Variants in ZRANB3 observed in about 807,000 individuals in gnomAD.
ZRANB3 encodes DNA annealing helicase and endonuclease ZRANB3.
In ZRANB3, 125 loss-of-function variants were observed where a neutral mutation model predicts 133.8. The observed-to-expected ratio is 0.93, with a 90% confidence interval of 0.81 to 1.08. The LOEUF (loss-of-function observed/expected upper bound fraction) is 1.08. Ranked by LOEUF, ZRANB3 falls within the 50% of genes least tolerant of loss-of-function variation. The pLI, the probability that ZRANB3 is intolerant of heterozygous loss-of-function variation, is 0.00. For synonymous variants in ZRANB3, 387 were observed against 432.7 expected, an observed-to-expected ratio of 0.89 and a Z score of 1.31; for missense variants, 1,229 against 1,275.5, an observed-to-expected ratio of 0.96 and a Z score of 0.56.
chr2:135,444,468 G>C (rs7569712), intron 2 of ZRANB3, among the ~76,000 whole-genome samples: 4,849 of 152,156 alleles, frequency 0.032, 249 homozygotes, highest in African/African-American at 0.11. Flanking sequence ...ATACAACAAG[G>C]ATGAACCTGG....
intron 3 of ZRANB3, among the ~76,000 whole-genome samples, chr2:135,362,373 G>T (rs57418973): frequency 0.056 from 8,467 of 152,160 alleles, 468 homozygotes; most frequent in African/African-American, 0.14. Flanking sequence ...CTTTCCTGAT[G>T]GTTGGTTGGT....
At chr2:135,478,825 CAT>C (rs1434982195) in intron 2 of ZRANB3, among the ~76,000 whole-genome samples, 3 of 151,682 alleles carry the variant, frequency 2.0e-5, no homozygotes, top group East Asian at 1.9e-4. Flanking sequence ...TATATATAAA[CAT>C]ATATGTGTTA....
At chr2:135,397,672 T>C (rs73956706) in intron 2 of ZRANB3, among the ~76,000 whole-genome samples, 6,747 of 152,222 alleles carry the variant, frequency 0.044, 504 homozygotes, top group African/African-American at 0.16. Flanking sequence ...GCAGGAGGGC[T>C]ACTAAAAGTA....
rs200526449 is a variant in ZRANB3, at chr2:135,260,810, GTA to G, written c.1539+4722_1539+4723del. Among the ~76,000 whole-genome samples, 311 of 141,590 alleles carry G rather than the reference GTA, an allele frequency of 2.2e-3. 2 individuals carry two copies. The highest frequency in any genetic ancestry group is 7.0e-3 in the African/African-American group (272 of 38,696). 92.9% of individuals were successfully genotyped at this position (141,590 alleles called of 152,430 possible). A position where few individuals can be genotyped will look rare whatever the true frequency, so the allele number is the denominator to read the frequency against. On this transcript the variant is annotated intron_variant, in intron 12 of 20. Transcript: ENST00000264159. ...TATACTATATATATTCAAGTTTATA[GTA>G]TATATATACTATATATTCTATATAT...
intron 2 of ZRANB3, among the ~76,000 whole-genome samples, chr2:135,478,989 C>T (rs1691634927): frequency 6.6e-6 from 1 of 151,368 alleles, no homozygotes; most frequent in Admixed American, 6.6e-5. Context: ...GGATTACTAG[C>T]TCTCAGAACA....
At chr2:135,235,220 T>A (rs1329193948) in intron 12 of ZRANB3, among the ~76,000 whole-genome samples, 1 of 152,058 alleles carries the variant, frequency 6.6e-6, no homozygotes, top group African/African-American at 2.4e-5. Context: ...ACATACACCC[T>A]CCCAAGACTG....
At chr2:135,215,923 T>G (rs1291716654) in intron 17 of ZRANB3, among the ~76,000 whole-genome samples, 1 of 152,082 alleles carries the variant, frequency 6.6e-6, no homozygotes, top group Non-Finnish European at 1.5e-5. Flanking sequence ...TTGAGACAAT[T>G]TAAAATGTCT....
rs555801343 is a variant in ZRANB3 at position 135,293,941 on chromosome 2, G to A, written c.967-18186C>T. ...TGAACCAGCCTTGCTTCCCAGGGAT[G>A]AAGCCCACTTGATCATGGTGGATAA... On this transcript the variant is annotated intron_variant, in intron 8 of 20. Coordinates refer to ENST00000264159, the MANE Select transcript of ZRANB3 (RefSeq NM_032143.4). Among the ~76,000 whole-genome samples the A allele has an allele frequency of 7.2e-5, 11 of 151,870 alleles. No homozygotes were observed. The South Asian group carries it at 2.3e-3, about 32-fold the overall frequency.
chr2:135,258,548 T>C (rs933732889), intron 12 of ZRANB3, among the ~76,000 whole-genome samples: 2 of 152,210 alleles, frequency 1.3e-5, no homozygotes, highest in Non-Finnish European at 2.9e-5. Flanking sequence ...CACCCTACAA[T>C]GTATCCGCAT....
intron 8 of ZRANB3, among the ~76,000 whole-genome samples, chr2:135,300,437 C>T (rs1028872733): frequency 6.6e-6 from 1 of 152,066 alleles, no homozygotes; most frequent in Non-Finnish European, 1.5e-5. Context: ...TCAAATGATT[C>T]ATTGAAAACA....
chr2:135,346,115 G>A (rs964789363), intron 5 of ZRANB3, among the ~76,000 whole-genome samples: 10 of 151,960 alleles, frequency 6.6e-5, no homozygotes, highest in African/African-American at 2.2e-4. Context: ...TTTTGTTTTT[G>A]AGACGGAGTC....
At chr2:135,242,178 CAA>C (rs879394823) in intron 12 of ZRANB3, among the ~76,000 whole-genome samples, 6 of 130,864 alleles carry the variant, frequency 4.6e-5, no homozygotes, top group South Asian at 2.4e-4. Context: ...ACTCTGTCTC[CAA>C]AAAAAAAAAG....
chr2:135,397,558 A>T (rs1377734649), intron 2 of ZRANB3, among the ~76,000 whole-genome samples: 1 of 152,176 alleles, frequency 6.6e-6, no homozygotes. Context: ...TAAAGATGGC[A>T]TTTGAACATG....
rs1473394379 is a variant in ZRANB3 at position 135,430,166 on chromosome 2, ACT to A, written c.162-39348_162-39347del. Among the ~76,000 whole-genome samples, 3 of 151,862 alleles carry A rather than the reference ACT, an allele frequency of 2.0e-5. No homozygotes were observed. In the East Asian group the frequency reaches 5.8e-4, roughly 29 times the overall value. ...GTTCCAGCATGCGTGACAGAGCAAG[ACT>A]CTGTCTCAAAAAAAAACAAAAACAA... On this transcript the variant is annotated intron_variant, in intron 2 of 20. Coordinates refer to ENST00000264159, the MANE Select transcript of ZRANB3 (RefSeq NM_032143.4).
chr2:135,436,570 C>A (rs996057243), intron 2 of ZRANB3, among the ~76,000 whole-genome samples: 1 of 152,062 alleles, frequency 6.6e-6, no homozygotes, highest in Non-Finnish European at 1.5e-5. Context: ...GGTGAAAGAT[C>A]TCTACAATGA....
At chr2:135,362,769 G>T (rs900869663) in intron 3 of ZRANB3, among the ~76,000 whole-genome samples, 1 of 152,096 alleles carries the variant, frequency 6.6e-6, no homozygotes, top group Non-Finnish European at 1.5e-5. Flanking sequence ...GATTACAGGT[G>T]CACACCACTG....
At chr2:135,234,070 A>C (rs1347631302) in intron 12 of ZRANB3, among the ~76,000 whole-genome samples, 1 of 152,228 alleles carries the variant, frequency 6.6e-6, no homozygotes, top group Non-Finnish European at 1.5e-5. Context: ...AGAGACACGC[A>C]TAGGCTCAAA....
At chr2:135,470,559 C>T (rs150034917) in intron 2 of ZRANB3, among the ~76,000 whole-genome samples, 6,501 of 150,776 alleles carry the variant, frequency 0.043, 472 homozygotes, top group African/African-American at 0.15. Flanking sequence ...TGGTGGCAGG[C>T]GCCTGTAATC....
intron 6 of ZRANB3, among the ~76,000 whole-genome samples, chr2:135,323,027 T>G (rs886594526): frequency 6.6e-6 from 1 of 152,080 alleles, no homozygotes; most frequent in Admixed American, 6.6e-5. Flanking sequence ...AAAAATTTTT[T>G]TTTTTTTAGT....
Sources: allele counts gnomAD v4.1 joint callset (sites outside exome capture counted in the v4.1 genomes callset), GRCh38; gene constraint gnomAD v4.1.1; transcripts MANE v1.5; gene names NCBI Gene and HGNC (gene_info 2026-07-23, HGNC 2026-07-21).